Variants in CSMD1 observed in about 807,000 individuals in gnomAD.
CSMD1 encodes the protein CUB and Sushi multiple domains 1, also known as CUB and sushi domain-containing protein 1.
Under a neutral mutation model 417.5 loss-of-function variants are expected in CSMD1, and 213 were observed. The observed-to-expected ratio is 0.51, with a 90% confidence interval of 0.46 to 0.57. The LOEUF (loss-of-function observed/expected upper bound fraction) is 0.57. CSMD1 is among the 20% of genes least tolerant of loss of function. The pLI, the probability that CSMD1 is intolerant of heterozygous loss-of-function variation, is 0.00. For synonymous variants in CSMD1, 2,862 were observed against 1,736.8 expected (o/e 1.65, Z -16.11); for missense variants, 6,923 against 4,529.7 (o/e 1.53, Z -15.17).
At chr8:4,269,825 T>A (rs1804461647) in intron 3 of CSMD1, among the ~76,000 whole-genome samples, 3 of 152,152 alleles carry the variant, frequency 2.0e-5, no homozygotes. Flanking sequence ...GAATTACAAG[T>A]AGTGCCAATC....
intron 3 of CSMD1, among the ~76,000 whole-genome samples, chr8:4,059,966 C>A (rs1163686484): frequency 6.6e-6 from 1 of 152,036 alleles, no homozygotes; most frequent in Non-Finnish European, 1.5e-5. Flanking sequence ...ATCCTGATAC[C>A]AAAGCCGGGC....
In CSMD1 at chr8:4,154,566, G is replaced by C. The variant is rs143464868; in HGVS notation, c.416-122467C>G. On this transcript the variant is annotated intron_variant, in intron 3 of 69. Coordinates refer to ENST00000635120, the MANE Select transcript of CSMD1 (RefSeq NM_033225.6). The stretch of plus-strand genomic sequence containing the variant: ...GGACACTATGCTTCTAACGCCGTGA[G>C]CTGGGCCAAGAGGTGAGGTCTTTGG... Among the ~76,000 whole-genome samples, 216 of 152,328 alleles carry C rather than the reference G, an allele frequency of 1.4e-3. 3 individuals are homozygous for C. The highest frequency in any genetic ancestry group is 0.011 in the East Asian group (55 of 5,166).
intron 1 of CSMD1, among the ~76,000 whole-genome samples, chr8:4,763,747 T>G (rs938696471): frequency 2.6e-5 from 4 of 152,214 alleles, no homozygotes; most frequent in Non-Finnish European, 5.9e-5. Flanking sequence ...GGAATACCAT[T>G]TCAAGAGGCA....
At chr8:3,352,801 T>C (rs898314527) in intron 21 of CSMD1, among the ~76,000 whole-genome samples, 1 of 152,072 alleles carries the variant, frequency 6.6e-6, no homozygotes, top group Non-Finnish European at 1.5e-5. Context: ...GATCGTGCCA[T>C]TGCACTCTAC....
At chr8:3,314,176 C>A (rs1389061302) in intron 23 of CSMD1, among the ~76,000 whole-genome samples, 1 of 152,050 alleles carries the variant, frequency 6.6e-6, no homozygotes, top group South Asian at 2.1e-4. Flanking sequence ...TGTTAAATGA[C>A]TAGTTAATGG....
intron 3 of CSMD1, among the ~76,000 whole-genome samples, chr8:4,147,420 G>C (rs1368682261): frequency 6.6e-6 from 1 of 152,004 alleles, no homozygotes; most frequent in African/African-American, 2.4e-5. Flanking sequence ...TGTCTAGAAT[G>C]GCTTTTCCAC....
rs1805011015 is a variant in CSMD1, at chr8:3,307,938, C to G, written c.3824-117G>C. On this transcript the variant is annotated intron_variant, in intron 24 of 69. Transcript: ENST00000635120. ...CATTATATACATAGAGAAAAAGAAT[C>G]ACCATCATCTCTCTCTCCTGACCGT... The G allele has an allele frequency of 3.6e-6, 4 of 1,126,752 alleles. No individual in the cohort carries two copies. The African/African-American group carries it at 4.7e-5, about 13-fold the overall frequency. The allele number at this position is 1,126,752 out of a possible 1,614,324, so 69.8% of individuals were successfully genotyped here. A position where few individuals can be genotyped will look rare whatever the true frequency, so the allele number is the denominator to read the frequency against.
At chr8:4,787,986 A>G in intron 1 of CSMD1, 1 of 1,594,536 alleles carries the variant, frequency 6.3e-7, no homozygotes. Context: ...AAGCCAACAG[A>G]AAGACAAACA....
intron 5 of CSMD1, among the ~76,000 whole-genome samples, chr8:3,860,112 A>G (rs1804595626): frequency 6.6e-6 from 1 of 152,134 alleles, no homozygotes; most frequent in Non-Finnish European, 1.5e-5. Context: ...TTGCCTTCAT[A>G]TTGATCCCCT....
chr8:4,076,600 T>G (rs184701170), intron 3 of CSMD1, among the ~76,000 whole-genome samples: 3 of 152,326 alleles, frequency 2.0e-5, no homozygotes, highest in African/African-American at 4.8e-5. Flanking sequence ...GTCCTAAACT[T>G]AAAAACATTT....
intron 10 of CSMD1, among the ~76,000 whole-genome samples, chr8:3,509,395 A>G (rs1281500592): frequency 6.6e-6 from 1 of 152,218 alleles, no homozygotes; most frequent in African/African-American, 2.4e-5. Flanking sequence ...TTGCTATTAA[A>G]TACAATTTTA....
chr8:3,706,072 C>T (rs1274377695), intron 7 of CSMD1, among the ~76,000 whole-genome samples: 1 of 152,232 alleles, frequency 6.6e-6, no homozygotes, highest in East Asian at 1.9e-4. Context: ...GCATGACGCG[C>T]TGGAACGTGG....
chr8:3,988,191 G>C (rs772521460), intron 5 of CSMD1, among the ~76,000 whole-genome samples: 1 of 152,122 alleles, frequency 6.6e-6, no homozygotes, highest in Non-Finnish European at 1.5e-5. Flanking sequence ...TAAGCAGTAA[G>C]ACCCTGGTGA....
intron 5 of CSMD1, among the ~76,000 whole-genome samples, chr8:3,781,098 T>A (rs1006172813): frequency 6.6e-6 from 1 of 152,144 alleles, no homozygotes; most frequent in African/African-American, 2.4e-5. Flanking sequence ...CACTGCAAAC[T>A]GTTTCAAGAA....
chr8:3,120,801 C>A (rs1349873642), intron 41 of CSMD1, among the ~76,000 whole-genome samples: 2 of 152,068 alleles, frequency 1.3e-5, no homozygotes, highest in Non-Finnish European at 2.9e-5. Context: ...GAGCCGAGAT[C>A]ACGCCACTGC....
At chr8:4,343,550 T>C (rs752934451) in intron 3 of CSMD1, among the ~76,000 whole-genome samples, 4 of 152,140 alleles carry the variant, frequency 2.6e-5, no homozygotes, top group African/African-American at 4.8e-5. Context: ...CAATGTTACT[T>C]GTCAATTATA....
intron 1 of CSMD1, among the ~76,000 whole-genome samples, chr8:4,825,088 A>G (rs1382398776): frequency 1.3e-5 from 2 of 152,154 alleles, no homozygotes; most frequent in Admixed American, 6.6e-5. Context: ...AATACTGCAT[A>G]CATTTATAAC....
intron 5 of CSMD1, among the ~76,000 whole-genome samples, chr8:3,788,444 G>A (rs1799562221): frequency 6.6e-6 from 1 of 152,134 alleles, no homozygotes; most frequent in African/African-American, 2.4e-5. Context: ...AACCAGCTGA[G>A]ATAAGAGGCA....
intron 5 of CSMD1, among the ~76,000 whole-genome samples, chr8:3,872,555 G>A (rs753328521): frequency 6.6e-6 from 1 of 152,174 alleles, no homozygotes; most frequent in African/African-American, 2.4e-5. Flanking sequence ...CAAGAACTGA[G>A]GTTGTCTGTT....
Sources: gnomAD v4.1 joint callset for allele counts (sites outside exome capture counted in the v4.1 genomes callset) on GRCh38, gnomAD v4.1.1 for gene constraint, MANE v1.5 for transcripts, NCBI Gene and HGNC (gene_info 2026-07-23, HGNC 2026-07-21) for gene names.